The following DNAH7 variants were observed in gnomAD, a reference collection of about 807,000 sequenced individuals.
DNAH7 encodes axonemal beta dynein heavy chain 7.
Under a neutral mutation model 444.6 loss-of-function variants are expected in DNAH7, and 397 were observed. That is an observed-to-expected ratio of 0.89 (90% CI 0.82 to 0.97). The LOEUF (loss-of-function observed/expected upper bound fraction) is 0.97. DNAH7 is among the 50% of genes least tolerant of loss of function. The probability of loss-of-function intolerance (pLI) is 0.00; values close to 1 mark genes in which losing one functional copy is unlikely to be tolerated. For missense variants in DNAH7, 4,902 were observed against 4,800.8 expected (o/e 1.02, Z -0.62); for synonymous variants, 1,636 against 1,624.4 (o/e 1.01, Z -0.17).
chr2:195,975,008 G>C (rs987711326), intron 15 of DNAH7, among the ~76,000 whole-genome samples: 1 of 151,998 alleles, frequency 6.6e-6, no homozygotes. Context: ...TTTGCTGGGC[G>C]CACTTAAATA....
At chr2:195,959,350 A>C (rs1189258779) in intron 18 of DNAH7, among the ~76,000 whole-genome samples, 1 of 151,996 alleles carries the variant, frequency 6.6e-6, no homozygotes, top group Non-Finnish European at 1.5e-5. Context: ...TTTCTATCTA[A>C]TTTTTGTGTG....
chr2:195,881,643 C>G (rs1334654686), intron 36 of DNAH7, 152 bp downstream of exon 36: 2 of 683,274 alleles, frequency 2.9e-6, no homozygotes, highest in Non-Finnish European at 4.4e-6. Flanking sequence ...TTGGCTAAAA[C>G]AAAAAAAAAT....
At chr2:195,856,275 A>G (rs914264235) in intron 44 of DNAH7, among the ~76,000 whole-genome samples, 3 of 152,228 alleles carry the variant, frequency 2.0e-5, no homozygotes, top group African/African-American at 4.8e-5. Context: ...GTCATGTAGA[A>G]TATTACAATG....
chr2:195,857,343 CA>C, intron 44 of DNAH7, 33 bp downstream of exon 44: 1 of 1,493,162 alleles, frequency 6.7e-7, no homozygotes, highest in Non-Finnish European at 9.0e-7. Context: ...GAAGACAGAC[CA>C]TACCAGCTGG....
At chr2:195,846,429 C>T (rs1699005716) in intron 46 of DNAH7, among the ~76,000 whole-genome samples, 1 of 152,132 alleles carries the variant, frequency 6.6e-6, no homozygotes, top group Non-Finnish European at 1.5e-5. Flanking sequence ...ATTAGTTCAG[C>T]CATTGGGCAG....
chr2:195,892,233 A>G (rs2125228434), intron 30 of DNAH7, among the ~76,000 whole-genome samples: 1 of 152,312 alleles, frequency 6.6e-6, no homozygotes, highest in Non-Finnish European at 1.5e-5. Context: ...TTAAAATGTT[A>G]ACACTATTCT....
At chr2:195,964,978 T>A (rs1396964830) in intron 17 of DNAH7, among the ~76,000 whole-genome samples, 1 of 152,158 alleles carries the variant, frequency 6.6e-6, no homozygotes, top group Non-Finnish European at 1.5e-5. Context: ...TGGACTGCTG[T>A]AGCTAGTACT....
intron 8 of DNAH7, among the ~76,000 whole-genome samples, chr2:196,022,603 G>C (rs1385967701): frequency 2.0e-5 from 3 of 152,182 alleles, no homozygotes; most frequent in Non-Finnish European, 4.4e-5. Flanking sequence ...CACATCTTCA[G>C]GCTCCACTTC....
intron 12 of DNAH7, chr2:195,994,340 G>C: frequency 1.6e-6 from 1 of 619,932 alleles, no homozygotes; most frequent in Non-Finnish European, 2.8e-6. Flanking sequence ...CAAGGCTCAG[G>C]AGACAGTCCT....
At chr2:195,739,178 A>G (rs996964474) in intron 64 of DNAH7, among the ~76,000 whole-genome samples, 9 of 152,250 alleles carry the variant, frequency 5.9e-5, no homozygotes, top group Non-Finnish European at 1.0e-4. Context: ...TGTGAAAGAA[A>G]GACTAAATTT....
intron 5 of DNAH7, among the ~76,000 whole-genome samples, chr2:196,028,695 T>G (rs1695843413): frequency 6.6e-6 from 1 of 152,164 alleles, no homozygotes; most frequent in Non-Finnish European, 1.5e-5. Flanking sequence ...TTCAGAAAAA[T>G]AAGTTGTTGT....
intron 52 of DNAH7, 97 bp from the exon 53 acceptor site, chr2:195,808,973 G>C: frequency 9.7e-7 from 1 of 1,026,150 alleles, no homozygotes. Flanking sequence ...TGACTTCCAA[G>C]TTTCAGATGT....
At chr2:195,818,114 A>C (rs1697305999) in intron 49 of DNAH7, among the ~76,000 whole-genome samples, 1 of 152,222 alleles carries the variant, frequency 6.6e-6, no homozygotes, top group African/African-American at 2.4e-5. Context: ...GAACTCTTTA[A>C]CAGCAAAATT....
At chr2:195,818,653 T>G (rs59402350) in intron 49 of DNAH7, among the ~76,000 whole-genome samples, 19,334 of 152,140 alleles carry the variant, frequency 0.13, 1,654 homozygotes, top group East Asian at 0.37. Flanking sequence ...TGCCTCCACT[T>G]TATTTCATGA....
At chr2:195,990,840 TATATATACTTAAATATATATAC>T (rs1693265642) in intron 12 of DNAH7, among the ~76,000 whole-genome samples, 2 of 145,998 alleles carry the variant, frequency 1.4e-5, no homozygotes, top group South Asian at 2.1e-4. Flanking sequence ...TATATATACA[TATATATACTTAAATATATATAC>T]ATATATACTT....
At chr2:195,753,571 A>G (rs537866015) in intron 63 of DNAH7, among the ~76,000 whole-genome samples, 416 of 152,330 alleles carry the variant, frequency 2.7e-3, no homozygotes, top group Non-Finnish European at 4.8e-3. Context: ...ATGAATAAGG[A>G]AGTTGTCTTC....
chr2:195,947,857 A>G (rs1229824039), intron 19 of DNAH7, among the ~76,000 whole-genome samples: 1 of 152,182 alleles, frequency 6.6e-6, no homozygotes, highest in African/African-American at 2.4e-5. Context: ...TAGATCCTTG[A>G]GGAATCACCA....
At chr2:195,800,569 A>G (rs940984743) in intron 54 of DNAH7, among the ~76,000 whole-genome samples, 8 of 152,300 alleles carry the variant, frequency 5.3e-5, no homozygotes, top group African/African-American at 1.9e-4. Flanking sequence ...TATTAGTAAC[A>G]TGTAACGGAT....
intron 19 of DNAH7, among the ~76,000 whole-genome samples, chr2:195,943,704 G>T (rs1278610989): frequency 6.6e-6 from 1 of 152,124 alleles, no homozygotes; most frequent in Non-Finnish European, 1.5e-5. Context: ...CATTAGCCAT[G>T]TATCCCAGTT....
Sources: allele counts gnomAD v4.1 joint callset (sites outside exome capture counted in the v4.1 genomes callset), GRCh38; gene constraint gnomAD v4.1.1; transcripts MANE v1.5; gene names NCBI Gene and HGNC (gene_info 2026-07-23, HGNC 2026-07-21).